Variants in PCDHA4 observed in about 807,000 individuals in gnomAD.
PCDHA4 encodes the protein protocadherin alpha-4.
Under a neutral mutation model 61.4 loss-of-function variants are expected in PCDHA4, and 49 were observed. That is an observed-to-expected ratio of 0.80 (90% CI 0.63 to 1.01). The LOEUF (loss-of-function observed/expected upper bound fraction) is 1.01, where lower values mean the gene tolerates loss of function less well. PCDHA4 is among the 50% of genes least tolerant of loss of function. The probability of loss-of-function intolerance (pLI) is 0.00; values close to 1 mark genes in which losing one functional copy is unlikely to be tolerated. For synonymous variants in PCDHA4, 590 were observed against 550.3 expected (o/e 1.07, Z -1.01); for missense variants, 1,254 against 1,235.8 (o/e 1.01, Z -0.22).
intron 3 of PCDHA4, among the ~76,000 whole-genome samples, chr5:140,996,661 G>A (rs1554255301): frequency 6.6e-6 from 1 of 152,194 alleles, no homozygotes; most frequent in Admixed American, 6.5e-5. Context: ...GTGCAGGCTA[G>A]TTTTTGAACC....
chr5:140,843,891 A>G (rs1554140482), intron 1 of PCDHA4: 1 of 685,390 alleles, frequency 1.5e-6, no homozygotes, highest in Non-Finnish European at 2.4e-6. Context: ...TACAGTATTA[A>G]TCATTCTCCA....
chr5:140,857,611 G>T, intron 1 of PCDHA4: 1 of 1,596,436 alleles, frequency 6.3e-7, no homozygotes, highest in Admixed American at 1.7e-5. Context: ...CGCTGCAGCC[G>T]CTGGACCACG....
intron 1 of PCDHA4, chr5:140,814,796 A>G (rs2126658940): frequency 6.6e-6 from 1 of 152,282 alleles, no homozygotes; most frequent in Non-Finnish European, 1.5e-5. Flanking sequence ...TTGTTATACA[A>G]CACTTGACTT....
intron 1 of PCDHA4, chr5:140,836,146 G>A (rs2150254083): frequency 6.2e-7 from 1 of 1,613,806 alleles, no homozygotes. Flanking sequence ...GTGGGCGCGG[G>A]CCATGTGGTG....
In PCDHA4 at chr5:140,807,219, C is replaced by G; in HGVS notation, c.32C>G (p.Ser11Cys). 1 of 1,614,030 alleles carries G rather than the reference C, an allele frequency of 6.2e-7. No homozygotes were observed. Among genetic ancestry groups the G allele is most frequent in the Non-Finnish European group, 8.5e-7 (1 of 1,179,896 alleles). Residue 11 changes from serine to cysteine, a missense_variant, in exon 1 of 4, where the codon TCC becomes TGC. By Grantham distance (112) the Ser-to-Cys change is moderately radical. Transcript: ENST00000530339. ...TTTTCCTGGGGAAGCGGCCAGGAAT[C>G]CCGGCGTCTGCTGCTCTTACTTCTT... MEFSWGSGQE[S>C]RRLLLLLLLL... is the part of the protein sequence containing the mutation.
At position 140,877,266 on chromosome 5, in the gene PCDHA4, C is replaced by A. The variant is rs2056980298; in HGVS notation, c.2385+67694C>A. The A allele has an allele frequency of 4.3e-6, 7 of 1,613,808 alleles. No individual in the cohort carries two copies. The South Asian group carries it at 5.5e-5, about 13-fold the overall frequency. ...TGGTGGCGAAAGTGCGCGCGGTGGA[C>A]GCTGACTCCGGCTATAACGCTTGGC... On this transcript the variant is annotated intron_variant, in intron 1 of 3. Transcript: ENST00000530339.
chr5:140,947,756 T>A (rs1354995389), intron 1 of PCDHA4, among the ~76,000 whole-genome samples: 1 of 151,644 alleles, frequency 6.6e-6, no homozygotes, highest in Non-Finnish European at 1.5e-5. Flanking sequence ...TATTTTATGG[T>A]TTAAAAAATT....
intron 1 of PCDHA4, among the ~76,000 whole-genome samples, chr5:140,945,463 A>G (rs1554216960): frequency 6.6e-6 from 1 of 152,166 alleles, no homozygotes; most frequent in African/African-American, 2.4e-5. Flanking sequence ...TAAAATTTGC[A>G]TGGAACCACA....
intron 1 of PCDHA4, among the ~76,000 whole-genome samples, chr5:140,908,977 A>T (rs1461491727): frequency 6.6e-6 from 1 of 152,168 alleles, no homozygotes; most frequent in Non-Finnish European, 1.5e-5. Context: ...GCCCCACTCC[A>T]CTGGACCCCT....
At chr5:140,977,227 A>G (rs149467858) in intron 1 of PCDHA4, among the ~76,000 whole-genome samples, 4 of 152,288 alleles carry the variant, frequency 2.6e-5, no homozygotes, top group African/African-American at 7.2e-5. Context: ...ATGTTACCCA[A>G]TCATAGAAAA....
chr5:141,000,158 A>G (rs1313496168), intron 3 of PCDHA4, among the ~76,000 whole-genome samples: 1 of 151,968 alleles, frequency 6.6e-6, no homozygotes, highest in Non-Finnish European at 1.5e-5. Context: ...AACAAAAACT[A>G]TTTGATTATT....
chr5:140,808,871 G>A lies in PCDHA4; in HGVS notation c.1684G>A (p.Ala562Thr). The A allele has an allele frequency of 3.7e-6, 6 of 1,613,166 alleles. No individual in the cohort carries two copies. Among genetic ancestry groups the A allele is most frequent in the Non-Finnish European group, 5.1e-6 (6 of 1,179,902 alleles). Residue 562 changes from alanine to threonine, a missense_variant, in exon 1 of 4, where the codon GCG (alanine) becomes ACG (threonine). Transcript: ENST00000530339. ...GTTCGTGCTGGACGAAAACGACAAC[G>A]CGCCAGCACTGCTAGCGCCTCGGGC... ...QVFVLDENDN[A>T]PALLAPRAGG... is the part of the protein sequence containing the mutation.
chr5:140,917,574 A>AT (rs2078267630), intron 1 of PCDHA4, among the ~76,000 whole-genome samples: 2 of 152,154 alleles, frequency 1.3e-5, no homozygotes, highest in Non-Finnish European at 2.9e-5. Context: ...TCTCAGGCTG[A>AT]TTTTTGTTCA....
intron 1 of PCDHA4, among the ~76,000 whole-genome samples, chr5:140,906,323 A>G (rs1487570044): frequency 1.3e-5 from 2 of 152,212 alleles, no homozygotes; most frequent in Non-Finnish European, 2.9e-5. Context: ...AACATGATAC[A>G]ACTATCCTTC....
At chr5:140,883,406 G>T (rs782181791) in intron 1 of PCDHA4, 3 of 1,614,156 alleles carry the variant, frequency 1.9e-6, no homozygotes, top group Non-Finnish European at 1.7e-6. Context: ...TCGTGACTCT[G>T]GCTCAAATGG....
chr5:140,865,377 T>C (rs2048847316), intron 1 of PCDHA4: 1 of 152,154 alleles, frequency 6.6e-6, no homozygotes, highest in South Asian at 2.1e-4. Flanking sequence ...ATGTTATAGG[T>C]AGGGTAAAGT....
At chr5:140,863,561 A>G (rs1581693390) in intron 1 of PCDHA4, 1 of 376,820 alleles carries the variant, frequency 2.7e-6, no homozygotes. Flanking sequence ...GAAATTTTTG[A>G]GAATATAAGT....
chr5:140,928,510 A>T (rs782757628), intron 1 of PCDHA4: 1 of 1,614,166 alleles, frequency 6.2e-7, no homozygotes, highest in Non-Finnish European at 8.5e-7. Context: ...TGCAACAGTG[A>T]CTATAAACTT....
At chr5:140,995,698 G>T (rs963042409) in intron 3 of PCDHA4, among the ~76,000 whole-genome samples, 1 of 152,104 alleles carries the variant, frequency 6.6e-6, no homozygotes, top group African/African-American at 2.4e-5. Context: ...TTAAATAAAG[G>T]GCTGGGCTTG....
Sources: gnomAD v4.1 joint callset for allele counts (sites outside exome capture counted in the v4.1 genomes callset) on GRCh38, gnomAD v4.1.1 for gene constraint, MANE v1.5 for transcripts, NCBI Gene and HGNC (gene_info 2026-07-23, HGNC 2026-07-21) for gene names.